RIC1: variants seen among roughly 807,000 people sequenced by gnomAD.
RIC1 encodes the protein guanine nucleotide exchange factor subunit RIC1.
Under a neutral mutation model 169.0 loss-of-function variants are expected in RIC1, and 88 were observed. That is an observed-to-expected ratio of 0.52 (90% CI 0.44 to 0.62). The LOEUF (loss-of-function observed/expected upper bound fraction) is 0.62. Among genes scored for constraint, RIC1 ranks in the 20% least tolerant of loss-of-function variants. The pLI is 0.00. For synonymous variants in RIC1, 790 were observed against 601.5 expected (o/e 1.31, Z -4.59); for missense variants, 1,877 against 1,725.5 (o/e 1.09, Z -1.56).
chr9:5,668,405 C>G (rs1321929431), intron 2 of RIC1, among the ~76,000 whole-genome samples: 2 of 152,162 alleles, frequency 1.3e-5, no homozygotes, highest in African/African-American at 4.8e-5. Flanking sequence ...CAGTGTGGGT[C>G]TCTGAGTTTA....
intron 9 of RIC1, 83 bp downstream of exon 9, chr9:5,743,096 T>G (rs752245601): frequency 7.5e-7 from 1 of 1,332,672 alleles, no homozygotes; most frequent in Non-Finnish European, 1.0e-6. Flanking sequence ...GTGTCAGAAC[T>G]TCCCTTTTTG....
chr9:5,639,275 C>T (rs1470320087), intron 1 of RIC1, among the ~76,000 whole-genome samples: 10 of 152,176 alleles, frequency 6.6e-5, no homozygotes, highest in African/African-American at 2.4e-4. Context: ...TGCTGTCTCC[C>T]ATAACTTTTG....
chr9:5,686,326 A>T (rs1030649059), intron 2 of RIC1, among the ~76,000 whole-genome samples: 1 of 152,102 alleles, frequency 6.6e-6, no homozygotes, highest in Non-Finnish European at 1.5e-5. Context: ...ACACATGCAC[A>T]CGTATGTTTA....
chr9:5,650,924 G>T (rs1341490720), intron 1 of RIC1, among the ~76,000 whole-genome samples: 2 of 152,172 alleles, frequency 1.3e-5, no homozygotes, highest in Admixed American at 1.3e-4. Context: ...TGTTAGTAGG[G>T]CTTTACTAAT....
At chr9:5,645,073 A>G (rs1012210160) in intron 1 of RIC1, among the ~76,000 whole-genome samples, 1 of 152,092 alleles carries the variant, frequency 6.6e-6, no homozygotes, top group African/African-American at 2.4e-5. Flanking sequence ...GTAGTTAATT[A>G]TCTATTCAAA....
At chr9:5,684,598 A>G (rs1821094399) in intron 2 of RIC1, among the ~76,000 whole-genome samples, 1 of 152,090 alleles carries the variant, frequency 6.6e-6, no homozygotes, top group Admixed American at 6.5e-5. Flanking sequence ...TCTTGTGTCC[A>G]GCAGTCATAC....
chr9:5,766,731 CT>C (rs1326523037), intron 21 of RIC1, among the ~76,000 whole-genome samples: 19 of 152,290 alleles, frequency 1.2e-4, no homozygotes, highest in African/African-American at 4.1e-4. Context: ...ATACAAGTTT[CT>C]TTATCCACTC....
chr9:5,762,811 T>A, intron 18 of RIC1, 151 bp downstream of exon 18: 2 of 1,016,462 alleles, frequency 2.0e-6, no homozygotes, highest in Non-Finnish European at 1.4e-6. Flanking sequence ...GGTGTAAGAC[T>A]GACTGACTGG....
At chr9:5,670,408 G>T (rs934644959) in intron 2 of RIC1, among the ~76,000 whole-genome samples, 1 of 152,186 alleles carries the variant, frequency 6.6e-6, no homozygotes, top group Non-Finnish European at 1.5e-5. Context: ...ATTTTAATCA[G>T]TCTAGGCCTT....
At chr9:5,744,166 T>A (rs761875580) in intron 10 of RIC1, among the ~76,000 whole-genome samples, 93 of 152,248 alleles carry the variant, frequency 6.1e-4, no homozygotes, top group Non-Finnish European at 9.7e-4. Flanking sequence ...GCATTTTGTT[T>A]AGATGTGGCC....
chr9:5,631,675 G>T (rs1817720282), intron 1 of RIC1, among the ~76,000 whole-genome samples: 1 of 130,414 alleles, frequency 7.7e-6, no homozygotes, highest in Non-Finnish European at 1.5e-5. Context: ...GACAGAGCAA[G>T]ACTCTGTCTC....
chr9:5,772,500 A>C lies in RIC1; in HGVS notation c.3617-64A>C, dbSNP rs1827289175. 1.0e-5 allele frequency: 14 copies of C among 1,352,640 alleles called. No individual in the cohort carries two copies. The South Asian group carries it at 1.9e-4, about 18-fold the overall frequency. 83.8% of individuals were successfully genotyped at this position (1,352,640 alleles called of 1,614,324 possible). ...AACATCTGAGGAACAGCTAATATTT[A>C]AAATTAAAGGAAAATATATTTTCTC... On this transcript the variant is annotated intron_variant, in intron 23 of 25. Transcript: ENST00000414202.
At chr9:5,738,381 G>C in intron 7 of RIC1, 69 bp from the exon 8 acceptor site, 1 of 1,071,308 alleles carries the variant, frequency 9.3e-7, no homozygotes, top group Non-Finnish European at 1.4e-6. Flanking sequence ...AAACATAAGA[G>C]TTCTATAATG....
At position 5,689,945 on chromosome 9, in the gene RIC1, A is replaced by C; in HGVS notation, c.253-14A>C. ...TTACTCTTTAATTCATGATTAATAA[A>C]ATTTCTCTTTCAGACGGCAAATGGA... On this transcript the variant is annotated splice_polypyrimidine_tract_variant and intron_variant, in intron 2 of 25. Transcript: ENST00000414202. The C allele has an allele frequency of 6.5e-7, 1 of 1,542,276 alleles. No homozygotes were observed. The highest frequency in any genetic ancestry group is 8.9e-7 in the Non-Finnish European group (1 of 1,126,326).
chr9:5,747,161 CTG>C lies in RIC1; in HGVS notation c.1249-138_1249-137del, dbSNP rs1286847821. 4 of 646,744 alleles carry C rather than the reference CTG, an allele frequency of 6.2e-6. No individual in the cohort carries two copies. In the African/African-American group the frequency reaches 7.3e-5, roughly 12 times the overall value. The allele number at this position is 646,744 out of a possible 1,614,324, so 40.1% of individuals were successfully genotyped here. On this transcript the variant is annotated intron_variant, in intron 11 of 25. Transcript: ENST00000414202. ...GAGATTATTGTGTAGTCTTTGTCCT[CTG>C]TGAAGAAAATCAACATCGAGATACA...
intron 17 of RIC1, among the ~76,000 whole-genome samples, chr9:5,760,953 C>A (rs1826290522): frequency 6.6e-6 from 1 of 152,002 alleles, no homozygotes; most frequent in African/African-American, 2.4e-5. Flanking sequence ...CCCTGAAATT[C>A]TTTCCTTCTG....
chr9:5,642,039 A>G (rs924068625), intron 1 of RIC1, among the ~76,000 whole-genome samples: 1 of 144,408 alleles, frequency 6.9e-6, no homozygotes, highest in Non-Finnish European at 1.5e-5. Flanking sequence ...TAGTCTTTGC[A>G]GTCTGGGCTT....
chr9:5,650,736 AC>A (rs1405970643), intron 1 of RIC1, among the ~76,000 whole-genome samples: 1 of 152,066 alleles, frequency 6.6e-6, no homozygotes, highest in East Asian at 1.9e-4. Context: ...TCAGAAGTGT[AC>A]GCTTTGGCTC....
intron 2 of RIC1, among the ~76,000 whole-genome samples, chr9:5,658,619 T>C (rs1819252562): frequency 6.6e-6 from 1 of 152,054 alleles, no homozygotes; most frequent in Non-Finnish European, 1.5e-5. Flanking sequence ...TCTAAGAAGT[T>C]GTATTAATTG....
Sources: allele counts gnomAD v4.1 joint callset (sites outside exome capture counted in the v4.1 genomes callset), GRCh38; gene constraint gnomAD v4.1.1; transcripts MANE v1.5; gene names NCBI Gene and HGNC (gene_info 2026-07-23, HGNC 2026-07-21).